Variants in PLEKHA8 observed in about 807,000 individuals in gnomAD.
The protein encoded by PLEKHA8 is pleckstrin homology domain containing A8.
PLEKHA8 carries 36 observed loss-of-function variants against 68.2 expected under a neutral mutation model. The ratio of observed to expected loss-of-function variants is 0.53; its 90% CI spans 0.40 to 0.70. PLEKHA8 has a LOEUF of 0.70. PLEKHA8 is among the 30% of genes least tolerant of loss of function. The pLI is 0.00. For missense variants in PLEKHA8, 505 were observed against 615.4 expected (o/e 0.82, Z 1.90); for synonymous variants, 211 against 216.1 (o/e 0.98, Z 0.20).
chr7:30,050,606 A>G, intron 6 of PLEKHA8, 132 bp downstream of exon 6: 9 of 1,221,206 alleles, frequency 7.4e-6, no homozygotes, highest in Non-Finnish European at 7.7e-6. Flanking sequence ...AGTAAACAAT[A>G]TCTGACTTTC....
intron 13 of PLEKHA8, among the ~76,000 whole-genome samples, chr7:30,121,347 G>A (rs1286702506): frequency 1.3e-5 from 2 of 152,142 alleles, no homozygotes; most frequent in Non-Finnish European, 2.9e-5. Context: ...ACAGTTTATT[G>A]GCTGGGCACA....
rs565678572 is a variant in PLEKHA8, at chr7:30,122,564, C to T, written c.1363-6702C>T. Among the ~76,000 whole-genome samples the T allele has an allele frequency of 6.6e-5, 10 of 152,350 alleles. No homozygotes were observed. In the South Asian group the frequency reaches 1.7e-3, roughly 25 times the overall value. ...TACCTTTTGCAGTGTCTTCCCAGCTCAGTACCCCCTTCCATTGAGAATATC... is the reference window on the plus strand; with the variant it reads ...TACCTTTTGCAGTGTCTTCCCAGCTTAGTACCCCCTTCCATTGAGAATATC... On this transcript the variant is annotated intron_variant, in intron 13 of 13. Coordinates refer to the PLEKHA8 transcript ENST00000396257.
intron 13 of PLEKHA8, among the ~76,000 whole-genome samples, chr7:30,121,102 T>A (rs571916883): frequency 6.6e-6 from 1 of 151,920 alleles, no homozygotes; most frequent in East Asian, 1.9e-4. Context: ...ATACATACTG[T>A]GATTTACCAG....
At chr7:30,092,508 G>A (rs1795457911), downstream of PLEKHA8, among the ~76,000 whole-genome samples, 2 of 152,128 alleles carry the variant, frequency 1.3e-5, no homozygotes, top group Non-Finnish European at 2.9e-5. Flanking sequence ...GCCAGCTGCA[G>A]TGCTCCACAG....
rs758819980 is a variant in PLEKHA8, at chr7:30,055,262, G to A, written c.959G>A (p.Ser320Asn). The change falls in exon 9 of 14, where the codon AGT (serine) becomes AAT (asparagine). Residue 320 changes from serine (S) to asparagine (N), a missense_variant. Coordinates refer to ENST00000449726, the MANE Select transcript of PLEKHA8 (RefSeq NM_001197026.2). The stretch of plus-strand genomic sequence containing the variant: ...CATATCACCAAATTATGTAGCTTTA[G>A]TGACATTGAACTTCTGGAAGACAGT... Reference protein sequence around the residue: ...TFFSTMNTSFSDIELLEDSGI... With the variant: ...TFFSTMNTSFNDIELLEDSGI... 1.2e-6 allele frequency: 2 copies of A among 1,613,900 alleles called. No homozygotes were observed. The highest frequency in any genetic ancestry group is 1.3e-5 in the African/African-American group (1 of 75,018).
chr7:30,047,051 G>A (rs1792015405), intron 3 of PLEKHA8, among the ~76,000 whole-genome samples: 5 of 152,178 alleles, frequency 3.3e-5, no homozygotes, highest in Admixed American at 3.3e-4. Context: ...GCTAGGGTGG[G>A]GTGAAATGGG....
chr7:30,098,048 A>G (rs571313567), intron 13 of PLEKHA8, among the ~76,000 whole-genome samples: 8 of 152,332 alleles, frequency 5.3e-5, no homozygotes, highest in African/African-American at 1.7e-4. Flanking sequence ...TCTAACAGTC[A>G]GGACCCTCAG....
At chr7:30,111,651 G>T (rs544465279) in intron 13 of PLEKHA8, among the ~76,000 whole-genome samples, 1 of 150,322 alleles carries the variant, frequency 6.7e-6, no homozygotes, top group South Asian at 2.1e-4. Flanking sequence ...ACAGGGTCTC[G>T]TTCTGTCATC....
chr7:30,105,206 C>T (rs897778124), intron 13 of PLEKHA8, among the ~76,000 whole-genome samples: 3 of 151,000 alleles, frequency 2.0e-5, no homozygotes, highest in African/African-American at 7.3e-5. Context: ...TGTGGTGGCT[C>T]ACTCCTGTAA....
chr7:30,106,077 G>C (rs369815868), intron 13 of PLEKHA8, among the ~76,000 whole-genome samples: 247 of 104,364 alleles, frequency 2.4e-3, no homozygotes, highest in African/African-American at 8.7e-3. Context: ...TTTTCTTTTT[G>C]AGGTGGAGTC....
Position 30,078,797 on chromosome 7 carries a change from G to C in PLEKHA8, c.*10G>C. 1 of 1,610,776 alleles carries C rather than the reference G, an allele frequency of 6.2e-7. No individual in the cohort carries two copies. Among genetic ancestry groups the C allele is most frequent in the African/African-American group, 1.3e-5 (1 of 74,872 alleles). On this transcript the variant is annotated 3_prime_UTR_variant, in exon 14 of 14. Transcript: ENST00000449726. ...TGATGAGGTGGTATGATGGCTGCTGGGCAGCACCTCCTAACTTCAGGGAAT... is the reference window on the plus strand; with the variant it reads ...TGATGAGGTGGTATGATGGCTGCTGCGCAGCACCTCCTAACTTCAGGGAAT...
chr7:30,041,618 C>T (rs375600277), intron 1 of PLEKHA8, among the ~76,000 whole-genome samples: 27 of 152,110 alleles, frequency 1.8e-4, no homozygotes, highest in South Asian at 1.0e-3. Flanking sequence ...TGGTTTTGAA[C>T]TCCCAGCCTC....
In PLEKHA8 at chr7:30,054,878, C is replaced by A; in HGVS notation, c.953+13C>A. On this transcript the variant is annotated intron_variant, in intron 8 of 13. Transcript: ENST00000449726. Reference sequence around the variant, plus strand: ...CCATGAACACAAGGTATTCTAGACTCTTTAATATCACTGATGCTTGGATAC... The same window carrying A: ...CCATGAACACAAGGTATTCTAGACTATTTAATATCACTGATGCTTGGATAC... The A allele has an allele frequency of 6.3e-7, 1 of 1,581,698 alleles. No individual in the cohort carries two copies. The highest frequency in any genetic ancestry group is 8.6e-7 in the Non-Finnish European group (1 of 1,162,394).
chr7:30,108,936 CAA>C (rs1796169143), intron 13 of PLEKHA8, among the ~76,000 whole-genome samples: 1 of 152,312 alleles, frequency 6.6e-6, no homozygotes, highest in East Asian at 1.9e-4. Context: ...CTCCCACAAA[CAA>C]AGTTAATTCT....
intron 13 of PLEKHA8, among the ~76,000 whole-genome samples, chr7:30,118,819 CGCCCGTCTGAG>C (rs1292792292): frequency 6.6e-6 from 1 of 151,838 alleles, no homozygotes; most frequent in Non-Finnish European, 1.5e-5. Context: ...CCTTGTGATC[CGCCCGTCTGAG>C]GCCCATCTTT....
intron 9 of PLEKHA8, among the ~76,000 whole-genome samples, chr7:30,057,431 G>T (rs78680740): frequency 1.3e-5 from 2 of 150,984 alleles, no homozygotes; most frequent in Non-Finnish European, 2.9e-5. Context: ...CTTATGGATG[G>T]ACTTTGGGCA....
At chr7:30,038,816 C>T (rs1791301953) in intron 1 of PLEKHA8, among the ~76,000 whole-genome samples, 1 of 151,608 alleles carries the variant, frequency 6.6e-6, no homozygotes, top group Admixed American at 6.6e-5. Context: ...GGGTTTGACT[C>T]ACAAGTAATT....
At chr7:30,101,076 G>A (rs895437502) in intron 13 of PLEKHA8, among the ~76,000 whole-genome samples, 3 of 151,824 alleles carry the variant, frequency 2.0e-5, no homozygotes, top group Non-Finnish European at 4.4e-5. Flanking sequence ...TGTAGTCACA[G>A]CTACTCGGGA....
chr7:30,050,241 T>G (rs1792297206), intron 5 of PLEKHA8, among the ~76,000 whole-genome samples, 193 bp from the exon 6 acceptor site: 1 of 152,206 alleles, frequency 6.6e-6, no homozygotes, highest in African/African-American at 2.4e-5. Context: ...AAGGAATACA[T>G]TTGTATAAAT....
Sources: allele counts gnomAD v4.1 joint callset (sites outside exome capture counted in the v4.1 genomes callset), GRCh38; gene constraint gnomAD v4.1.1; transcripts MANE v1.5; gene names NCBI Gene and HGNC (gene_info 2026-07-23, HGNC 2026-07-21).